Variants in SLC4A4 observed in about 807,000 individuals in gnomAD.
SLC4A4 encodes the protein solute carrier family 4 member 4, also known as electrogenic sodium bicarbonate cotransporter 1.
In SLC4A4, 27 loss-of-function variants were observed where a neutral mutation model predicts 111.5. That is an observed-to-expected ratio of 0.24 (90% CI 0.18 to 0.33). SLC4A4 has a LOEUF of 0.33. Among genes scored for constraint, SLC4A4 ranks in the 10% least tolerant of loss-of-function variants. The pLI is 1.00. For missense variants in SLC4A4, 909 were observed against 1,315.5 expected, an observed-to-expected ratio of 0.69 and a Z score of 4.78; for synonymous variants, 443 against 463.4, an observed-to-expected ratio of 0.96 and a Z score of 0.57.
intron 3 of SLC4A4, among the ~76,000 whole-genome samples, chr4:71,278,349 A>G (rs1251058527): frequency 6.6e-6 from 1 of 152,154 alleles, no homozygotes; most frequent in Non-Finnish European, 1.5e-5. Context: ...CTGGATGGAC[A>G]CTTTGGTCAT....
chr4:71,103,797 TA>T (rs1742832776), intron 2 of SLC4A4, among the ~76,000 whole-genome samples: 1 of 151,434 alleles, frequency 6.6e-6, no homozygotes, highest in East Asian at 1.9e-4. Flanking sequence ...TTTATAGCAC[TA>T]AATGCCCACA....
chr4:71,390,717 T>A (rs984273210), intron 6 of SLC4A4, among the ~76,000 whole-genome samples: 18 of 152,204 alleles, frequency 1.2e-4, no homozygotes, highest in African/African-American at 4.1e-4. Flanking sequence ...GGTTGTACAT[T>A]ACATTTTCTC....
chr4:71,153,026 T>C (rs1394326198), intron 2 of SLC4A4, among the ~76,000 whole-genome samples: 1 of 112,150 alleles, frequency 8.9e-6, no homozygotes, highest in Non-Finnish European at 1.7e-5. Flanking sequence ...TATAAATATA[T>C]GTGTGTGTAT....
intron 16 of SLC4A4, among the ~76,000 whole-genome samples, chr4:71,528,925 G>A (rs1310701213): frequency 6.6e-6 from 1 of 151,724 alleles, no homozygotes; most frequent in South Asian, 2.1e-4. Context: ...CTACATAGTA[G>A]AATTGAAAAA....
intron 2 of SLC4A4, among the ~76,000 whole-genome samples, chr4:71,128,631 G>A (rs1198175383): frequency 6.6e-6 from 1 of 151,954 alleles, no homozygotes; most frequent in Non-Finnish European, 1.5e-5. Flanking sequence ...TGAGATTATG[G>A]GTGTGAACCA....
At chr4:71,277,999 T>A (rs1015366091) in intron 3 of SLC4A4, among the ~76,000 whole-genome samples, 2 of 152,206 alleles carry the variant, frequency 1.3e-5, no homozygotes, top group African/African-American at 2.4e-5. Flanking sequence ...GCATACCGTA[T>A]GATATTGTTA....
At position 71,357,369 on chromosome 4, in the gene SLC4A4, G is replaced by T. The variant is rs140988617; in HGVS notation, c.730+182G>T. Among the ~76,000 whole-genome samples the T allele has an allele frequency of 2.8e-4, 43 of 152,310 alleles. 1 individual carries two copies. The East Asian group carries it at 8.3e-3, about 29-fold the overall frequency. On this transcript the variant is annotated intron_variant, in intron 6 of 25. Coordinates refer to ENST00000264485, the MANE Select transcript of SLC4A4 (RefSeq NM_001098484.3). ...GACAGGTTTGCAGTCTTGCTGGAAA[G>T]ATTTCCACAATTGTTGTAGGCTGCT...
intron 7 of SLC4A4, among the ~76,000 whole-genome samples, chr4:71,426,594 A>C (rs1433882697): frequency 6.6e-6 from 1 of 152,144 alleles, no homozygotes. Context: ...AGATATGTAT[A>C]GTTCTTGGTA....
At chr4:71,139,035 C>CA (rs5859250) in intron 2 of SLC4A4, among the ~76,000 whole-genome samples, 10,019 of 42,296 alleles carry the variant, frequency 0.24, 1,831 homozygotes, top group Non-Finnish European at 0.31. Context: ...GACTCCGTCT[C>CA]AAAAAAAAAA....
chr4:71,089,342 A>T (rs550166277), intron 1 of SLC4A4, among the ~76,000 whole-genome samples: 1 of 151,572 alleles, frequency 6.6e-6, no homozygotes, highest in Non-Finnish European at 1.5e-5. Context: ...ATGGGTTCGA[A>T]CTTCCTCCTT....
At chr4:71,220,927 T>C (rs1360813069) in intron 1 of SLC4A4, among the ~76,000 whole-genome samples, 1 of 152,292 alleles carries the variant, frequency 6.6e-6, no homozygotes, top group South Asian at 2.1e-4. Context: ...TGTTCATAAG[T>C]TCTTGTCATT....
chr4:71,412,796 A>T (rs914338447), intron 7 of SLC4A4, among the ~76,000 whole-genome samples: 6 of 152,202 alleles, frequency 3.9e-5, no homozygotes, highest in Non-Finnish European at 7.3e-5. Context: ...TTCTTTCACT[A>T]TAATGTACCA....
At chr4:71,143,156 T>C (rs1398263017) in intron 2 of SLC4A4, among the ~76,000 whole-genome samples, 1 of 151,778 alleles carries the variant, frequency 6.6e-6, no homozygotes, top group Non-Finnish European at 1.5e-5. Flanking sequence ...TGTCCATGTG[T>C]TTTCATTGTT....
chr4:71,107,902 C>T (rs75733875), intron 2 of SLC4A4, among the ~76,000 whole-genome samples: 24 of 152,080 alleles, frequency 1.6e-4, no homozygotes, highest in African/African-American at 5.1e-4. Flanking sequence ...GGGTCTCACT[C>T]GGTTGTCTAA....
intron 3 of SLC4A4, among the ~76,000 whole-genome samples, chr4:71,331,620 T>C (rs550822133): frequency 8.8e-4 from 132 of 150,284 alleles, no homozygotes; most frequent in Admixed American, 2.5e-3. Flanking sequence ...TTAGGAGATA[T>C]ACCTAATGTA....
intron 2 of SLC4A4, among the ~76,000 whole-genome samples, chr4:71,150,838 T>C (rs1027731795): frequency 4.6e-5 from 7 of 152,150 alleles, no homozygotes; most frequent in African/African-American, 1.2e-4. Flanking sequence ...GCATTTTTCT[T>C]ATATTTTACT....
At chr4:71,443,192 C>A (rs1187174069) in intron 8 of SLC4A4, among the ~76,000 whole-genome samples, 1 of 132,704 alleles carries the variant, frequency 7.5e-6, no homozygotes, top group East Asian at 2.2e-4. Context: ...GCTGTGTCAC[C>A]CAGGCTGGAG....
chr4:71,214,810 C>A (rs1366700051), intron 1 of SLC4A4, among the ~76,000 whole-genome samples: 1 of 152,202 alleles, frequency 6.6e-6, no homozygotes, highest in Non-Finnish European at 1.5e-5. Context: ...CCCTGCCTGG[C>A]AGCTCCCAGG....
intron 7 of SLC4A4, among the ~76,000 whole-genome samples, chr4:71,420,066 G>T (rs181819588): frequency 6.6e-6 from 1 of 152,282 alleles, no homozygotes; most frequent in Non-Finnish European, 1.5e-5. Flanking sequence ...CAAACCAAAG[G>T]CAAAGAAGTT....
Sources: allele counts gnomAD v4.1 joint callset (sites outside exome capture counted in the v4.1 genomes callset), GRCh38; gene constraint gnomAD v4.1.1; transcripts MANE v1.5; gene names NCBI Gene and HGNC (gene_info 2026-07-23, HGNC 2026-07-21).